Variants in MAGI3 observed in about 807,000 individuals in gnomAD.
MAGI3 encodes the protein membrane associated guanylate kinase, WW and PDZ domain containing 3, also known as membrane-associated guanylate kinase, WW and PDZ domain-containing protein 3.
Under a neutral mutation model 121.8 loss-of-function variants are expected in MAGI3, and 43 were observed. That is an observed-to-expected ratio of 0.35 (90% CI 0.28 to 0.46). MAGI3 has a LOEUF of 0.46. MAGI3 is among the 20% of genes least tolerant of loss of function. The pLI is 1.00. For synonymous variants in MAGI3, 553 were observed against 639.3 expected (o/e 0.86, Z 2.04); for missense variants, 1,547 against 1,797.3 (o/e 0.86, Z 2.52).
intron 6 of MAGI3, among the ~76,000 whole-genome samples, chr1:113,612,525 T>C (rs906853072): frequency 6.6e-6 from 1 of 152,150 alleles, no homozygotes; most frequent in Non-Finnish European, 1.5e-5. Context: ...TGTATAAAGT[T>C]GCTAGGTATT....
intron 1 of MAGI3, among the ~76,000 whole-genome samples, chr1:113,457,200 A>G (rs1427962443): frequency 1.3e-5 from 2 of 152,090 alleles, no homozygotes; most frequent in African/African-American, 4.8e-5. Flanking sequence ...TCTGAGTCAT[A>G]TTTCTTTTTT....
rs1653618687 is a variant in MAGI3 at position 113,658,820 on chromosome 1, G to T, written c.2630-260G>T. Among the ~76,000 whole-genome samples, 1 of 152,156 alleles carries T rather than the reference G, an allele frequency of 6.6e-6. No homozygotes were observed. The highest frequency in any genetic ancestry group is 6.5e-5 in the Admixed American group (1 of 15,276). On this transcript the variant is annotated intron_variant, in intron 15 of 20. Coordinates refer to ENST00000307546, the MANE Select transcript of MAGI3 (RefSeq NM_001142782.2). The surrounding 1 kb of genome is among the most constrained non-coding windows in gnomAD (Gnocchi z 4.0). ...GATGAGAATGTAAAAATTAGAAAAA[G>T]GTTTCTGGTAGGTAGAAAATAGCAA...
At chr1:113,649,584 A>G (rs1023220302) in intron 13 of MAGI3, among the ~76,000 whole-genome samples, 1 of 152,240 alleles carries the variant, frequency 6.6e-6, no homozygotes, top group Non-Finnish European at 1.5e-5. Flanking sequence ...GTGAATAACT[A>G]CATAAAGCTT....
At chr1:113,411,126 C>G (rs528482269) in intron 1 of MAGI3, among the ~76,000 whole-genome samples, 43 of 152,102 alleles carry the variant, frequency 2.8e-4, no homozygotes, top group Non-Finnish European at 4.7e-4. Flanking sequence ...AAAACCAAAC[C>G]TGGGATAAGC....
At chr1:113,480,150 A>G (rs977405133) in intron 1 of MAGI3, among the ~76,000 whole-genome samples, 9 of 152,128 alleles carry the variant, frequency 5.9e-5, no homozygotes, top group South Asian at 2.1e-4. Context: ...TTGTGGTGTC[A>G]TATTTCCCTG....
intron 1 of MAGI3, among the ~76,000 whole-genome samples, chr1:113,525,954 A>T (rs1658428800): frequency 6.6e-6 from 1 of 152,160 alleles, no homozygotes; most frequent in African/African-American, 2.4e-5. Flanking sequence ...GTGAGCCAAG[A>T]TTGCACCACT....
intron 1 of MAGI3, among the ~76,000 whole-genome samples, chr1:113,508,456 A>C (rs1656968610): frequency 1.3e-5 from 2 of 152,170 alleles, no homozygotes; most frequent in South Asian, 4.1e-4. Flanking sequence ...GGTCTGTTGA[A>C]GTGGTAAATA....
At chr1:113,548,159 C>T (rs941332225) in intron 1 of MAGI3, among the ~76,000 whole-genome samples, 6 of 152,144 alleles carry the variant, frequency 3.9e-5, no homozygotes, top group Admixed American at 1.3e-4. Context: ...GTCATAAGTG[C>T]GTTGCTCTAA....
At position 113,571,492 on chromosome 1, in the gene MAGI3, A is replaced by C. The variant is rs573237275; in HGVS notation, c.434-9050A>C. Reference sequence around the variant, plus strand: ...ATAAATTACTTTGGGCAGTGTGGCCATTTTCACAATATCGGTTTTTCCTAT... The same window carrying C: ...ATAAATTACTTTGGGCAGTGTGGCCCTTTTCACAATATCGGTTTTTCCTAT... On this transcript the variant is annotated intron_variant, in intron 2 of 20. Coordinates refer to ENST00000307546, the MANE Select transcript of MAGI3 (RefSeq NM_001142782.2). 4.8e-4 allele frequency among the ~76,000 whole-genome samples: 73 copies of C among 152,274 alleles called. No homozygotes were observed. In the South Asian group the frequency reaches 0.014, roughly 29 times the overall value.
At chr1:113,569,276 G>A (rs1446562938) in intron 2 of MAGI3, among the ~76,000 whole-genome samples, 1 of 152,058 alleles carries the variant, frequency 6.6e-6, no homozygotes, top group Non-Finnish European at 1.5e-5. Flanking sequence ...TTGACCATGT[G>A]TTCTGTTTTA....
At chr1:113,539,230 T>C (rs989647834) in intron 1 of MAGI3, among the ~76,000 whole-genome samples, 1 of 151,830 alleles carries the variant, frequency 6.6e-6, no homozygotes, top group Non-Finnish European at 1.5e-5. Context: ...CCATCTCTAC[T>C]AAAAATACAA....
At chr1:113,406,267 T>A (rs1203669598) in intron 1 of MAGI3, among the ~76,000 whole-genome samples, 3 of 147,980 alleles carry the variant, frequency 2.0e-5, no homozygotes, top group Admixed American at 2.0e-4. Flanking sequence ...CAGTGAGACC[T>A]TTTGTCTACA....
intron 8 of MAGI3, among the ~76,000 whole-genome samples, chr1:113,621,577 T>C (rs534115371): frequency 2.6e-5 from 4 of 152,156 alleles, no homozygotes; most frequent in African/African-American, 7.2e-5. Context: ...ACACAAAACC[T>C]TGTGAGTGTT....
intron 20 of MAGI3, chr1:113,682,544 A>T: frequency 8.1e-7 from 1 of 1,231,232 alleles, no homozygotes; most frequent in Non-Finnish European, 1.0e-6. Context: ...AATTCATAAT[A>T]ATTAGTGAGC....
intron 19 of MAGI3, among the ~76,000 whole-genome samples, chr1:113,675,984 T>C (rs976934288): frequency 1.3e-5 from 2 of 151,738 alleles, no homozygotes; most frequent in Non-Finnish European, 2.9e-5. Flanking sequence ...GGATGGCATA[T>C]TTATTCCTGG....
intron 1 of MAGI3, chr1:113,449,768 A>C: frequency 9.5e-7 from 1 of 1,056,814 alleles, no homozygotes; most frequent in Non-Finnish European, 1.5e-6. Flanking sequence ...TGAGCTTTGA[A>C]ACTACAGATG....
rs77883027 is a variant in MAGI3, at chr1:113,659,372, C to G, written c.2815+107C>G. ...TGCCAGAATCACTGCGGGGATATAACTGTGTATGCACGCTGGAGTCTTATT... is the reference window on the plus strand; with the variant it reads ...TGCCAGAATCACTGCGGGGATATAAGTGTGTATGCACGCTGGAGTCTTATT... On this transcript the variant is annotated intron_variant, in intron 16 of 20. Coordinates refer to ENST00000307546, the MANE Select transcript of MAGI3 (RefSeq NM_001142782.2). 0.051 allele frequency: 50,661 copies of G among 1,001,406 alleles called. 1,571 individuals are homozygous for G. The highest frequency in any genetic ancestry group is 0.063 in the Non-Finnish European group (42,979 of 677,984). 62.0% of individuals were successfully genotyped at this position (1,001,406 alleles called of 1,614,324 possible). A position where few individuals can be genotyped will look rare whatever the true frequency, so the allele number is the denominator to read the frequency against.
chr1:113,539,771 G>A (rs1659190899), intron 1 of MAGI3, among the ~76,000 whole-genome samples: 1 of 149,560 alleles, frequency 6.7e-6, no homozygotes, highest in Admixed American at 6.7e-5. Flanking sequence ...GGACTGCATT[G>A]TCATATATTG....
At chr1:113,404,488 A>G (rs1651571321) in intron 1 of MAGI3, 1 of 152,216 alleles carries the variant, frequency 6.6e-6, no homozygotes, top group African/African-American at 2.4e-5. Flanking sequence ...CCCACATTTT[A>G]CAATTATCTA....
Sources: allele counts gnomAD v4.1 joint callset (sites outside exome capture counted in the v4.1 genomes callset), GRCh38; gene constraint gnomAD v4.1.1; non-coding constraint Gnocchi (gnomAD v3.1); transcripts MANE v1.5; gene names NCBI Gene and HGNC (gene_info 2026-07-23, HGNC 2026-07-21).